STAU2: variants seen among roughly 807,000 people sequenced by gnomAD.
STAU2 encodes the protein double-stranded RNA-binding protein Staufen homolog 2.
In STAU2, 20 loss-of-function variants were observed where a neutral mutation model predicts 65.9. The ratio of observed to expected loss-of-function variants is 0.30; its 90% CI spans 0.21 to 0.44. STAU2 has a LOEUF of 0.44. Among genes scored for constraint, STAU2 ranks in the 20% least tolerant of loss-of-function variants. The pLI, the probability that STAU2 is intolerant of heterozygous loss-of-function variation, is 1.00. For synonymous variants in STAU2, 232 were observed against 233.9 expected (o/e 0.99, Z 0.07); for missense variants, 558 against 683.9 (o/e 0.82, Z 2.05).
At chr8:73,473,674 T>C (rs939242198) in intron 13 of STAU2, among the ~76,000 whole-genome samples, 3 of 152,172 alleles carry the variant, frequency 2.0e-5, no homozygotes, top group Non-Finnish European at 4.4e-5. Context: ...AGGCTTGGAT[T>C]TGCCAGTGAT....
intron 13 of STAU2, among the ~76,000 whole-genome samples, chr8:73,473,352 C>T (rs1306251618): frequency 2.0e-5 from 3 of 151,982 alleles, no homozygotes; most frequent in Non-Finnish European, 2.9e-5. Flanking sequence ...ATATTTCTGT[C>T]AAAAAAATGT....
At chr8:73,661,394 ATAT>A (rs1363944000) in intron 6 of STAU2, among the ~76,000 whole-genome samples, 3 of 150,960 alleles carry the variant, frequency 2.0e-5, no homozygotes, top group Non-Finnish European at 4.4e-5. Context: ...TTTCTTATAA[ATAT>A]TTTTAGCCTC....
At chr8:73,647,230 A>G (rs979651462) in intron 6 of STAU2, among the ~76,000 whole-genome samples, 2 of 152,188 alleles carry the variant, frequency 1.3e-5, no homozygotes, top group Non-Finnish European at 2.9e-5. Context: ...ACTCCTGTGT[A>G]TTTATCCCAA....
intron 13 of STAU2, chr8:73,438,852 C>T (rs187143704): frequency 3.0e-5 from 13 of 426,888 alleles, no homozygotes; most frequent in African/African-American, 2.4e-4. Flanking sequence ...GAAGGGCTAT[C>T]AGAGAGGTGG....
At chr8:73,703,648 C>T (rs886427614) in intron 4 of STAU2, among the ~76,000 whole-genome samples, 4 of 152,150 alleles carry the variant, frequency 2.6e-5, no homozygotes, top group Admixed American at 6.5e-5. Flanking sequence ...GAAATACTGA[C>T]ACACACAAAA....
At chr8:73,582,415 C>T (rs1810053926) in intron 12 of STAU2, among the ~76,000 whole-genome samples, 1 of 149,940 alleles carries the variant, frequency 6.7e-6, no homozygotes, top group Admixed American at 6.6e-5. Flanking sequence ...TAGATAATTA[C>T]TTCTTTATTT....
chr8:73,721,182 C>T (rs538311230), intron 3 of STAU2, among the ~76,000 whole-genome samples: 2 of 143,104 alleles, frequency 1.4e-5, no homozygotes, highest in African/African-American at 5.2e-5. Flanking sequence ...CCTAGATACT[C>T]GGGGAGCAGA....
At position 73,688,708 on chromosome 8, in the gene STAU2, T is replaced by C. The variant is rs1156743365; in HGVS notation, c.220A>G (p.Thr74Ala). The C allele has an allele frequency of 1.5e-5, 24 of 1,614,058 alleles. No homozygotes were observed. The highest frequency in any genetic ancestry group is 1.8e-5 in the Non-Finnish European group (21 of 1,180,036). ...GGCTTCTGAACTGGTTTGGGAAGCG[T>C]AGATTCAGTCAAAGCTTTATTGGCA... The part of the protein sequence containing the change: ...AVANKALTES[T>A]LPKPVQKPPK... Residue 74 changes from threonine to alanine, a missense_variant, in exon 5 of 15, where the codon ACG becomes GCG. Coordinates refer to ENST00000524300, the MANE Select transcript of STAU2 (RefSeq NM_001164380.2).
Position 73,603,769 on chromosome 8 carries a change from A to T in STAU2, c.986T>A (p.Leu329His), listed in dbSNP as rs376665220. The T allele has an allele frequency of 1.4e-5, 22 of 1,611,936 alleles. No homozygotes were observed. Among genetic ancestry groups the T allele is most frequent in the Non-Finnish European group, 1.9e-5 (22 of 1,179,868 alleles). Reference sequence around the variant, plus strand: ...ACGTCGAGGCATTCCTCTTTCTGAAAGCAAAACATAATCCGGCTCCTTTTC... The same window carrying T: ...ACGTCGAGGCATTCCTCTTTCTGAATGCAAAACATAATCCGGCTCCTTTTC... ...KKEKEPDYVL[L>H]SERGMPRRRE... Residue 329 changes from leucine to histidine, a missense_variant, in exon 10 of 15, where the codon CTT (leucine) becomes CAT (histidine). This residue lies in a region of STAU2 where 199 missense variants were observed against 299.5 expected (regional missense o/e 0.66). Transcript: ENST00000524300.
chr8:73,437,338 G>A (rs1817777876), intron 13 of STAU2, among the ~76,000 whole-genome samples: 1 of 152,216 alleles, frequency 6.6e-6, no homozygotes, highest in Non-Finnish European at 1.5e-5. Context: ...TTTCCCAGCT[G>A]AGGACAGAGA....
chr8:73,704,410 TA>T (rs761303738), intron 4 of STAU2, among the ~76,000 whole-genome samples: 3 of 152,020 alleles, frequency 2.0e-5, no homozygotes, highest in South Asian at 4.2e-4. Context: ...TAAGTCTAAT[TA>T]AAAAAAAGAT....
chr8:73,421,348 G>C lies in STAU2; in HGVS notation c.*24C>G. On this transcript the variant is annotated 3_prime_UTR_variant, in exon 15 of 15. Transcript: ENST00000524300. ...GCTGACAGGTTTATAAGGATGCGGTGGCAGCCGCGGGTTCTGGGAGCTGCT... is the reference window on the plus strand; with the variant it reads ...GCTGACAGGTTTATAAGGATGCGGTCGCAGCCGCGGGTTCTGGGAGCTGCT... 1 of 1,535,276 alleles carries C rather than the reference G, an allele frequency of 6.5e-7. No homozygotes were observed.
chr8:73,424,390 G>A (rs1228695560), intron 13 of STAU2, among the ~76,000 whole-genome samples: 10 of 151,660 alleles, frequency 6.6e-5, no homozygotes, highest in African/African-American at 1.7e-4. Flanking sequence ...TAGTAGAGAC[G>A]GGGTTTCACC....
rs914684143 is a variant in STAU2, at chr8:73,495,084, G to A, written c.1530+56928C>T. ...CAATGGATTCTGCTGATAAAGATGG[G>A]AGTTTTTAATTCTTATTTGTTGGGT... On this transcript the variant is annotated intron_variant, in intron 13 of 14. Coordinates refer to ENST00000524300, the MANE Select transcript of STAU2 (RefSeq NM_001164380.2). 5.3e-5 allele frequency among the ~76,000 whole-genome samples: 8 copies of A among 151,420 alleles called. 1 individual carries two copies. The highest frequency in any genetic ancestry group is 1.9e-4 in the African/African-American group (8 of 41,324).
chr8:73,649,441 A>T lies in STAU2; in HGVS notation c.410+23666T>A, dbSNP rs1815654020. On this transcript the variant is annotated intron_variant, in intron 6 of 14. Coordinates refer to ENST00000524300, the MANE Select transcript of STAU2 (RefSeq NM_001164380.2). ...ACCCTGATCTTTGCAATTTTCTAGA[A>T]ATTATCTCTAAACTCACCTATTCCT... 2.0e-5 allele frequency among the ~76,000 whole-genome samples: 3 copies of T among 152,112 alleles called. No individual in the cohort carries two copies. The South Asian group carries it at 6.2e-4, about 32-fold the overall frequency.
chr8:73,504,892 CATCTAT>C lies in STAU2; in HGVS notation c.1530+47114_1530+47119del, dbSNP rs1334403231. Among the ~76,000 whole-genome samples the C allele has an allele frequency of 3.3e-5, 5 of 152,114 alleles. 1 individual carries two copies. The highest frequency in any genetic ancestry group is 1.2e-4 in the African/African-American group (5 of 41,500). On this transcript the variant is annotated intron_variant, in intron 13 of 14. Transcript: ENST00000524300. ...GGTAAAAATAAAACTTTTTTGTATACATCTATAATTTGTAACTATTCAGAAGAAAAA... is the reference window on the plus strand; with the variant it reads ...GGTAAAAATAAAACTTTTTTGTATACAATTTGTAACTATTCAGAAGAAAAA...
At chr8:73,629,495 C>T (rs1031879080) in intron 6 of STAU2, among the ~76,000 whole-genome samples, 9 of 152,040 alleles carry the variant, frequency 5.9e-5, no homozygotes, top group Admixed American at 2.6e-4. Flanking sequence ...TAGAAGGACA[C>T]GTATGTTTTA....
chr8:73,676,504 C>T lies in STAU2; in HGVS notation c.275-3262G>A, dbSNP rs1168120687. ...TATCTTCACAAACTTGTAAGAGACA[C>T]AGGTGTATTAAATGGCACACCAAAA... is the stretch of plus-strand genomic sequence containing the variant. On this transcript the variant is annotated intron_variant, in intron 5 of 14. Transcript: ENST00000524300. Among the ~76,000 whole-genome samples, 5 of 152,158 alleles carry T rather than the reference C, an allele frequency of 3.3e-5. No individual in the cohort carries two copies. The East Asian group carries it at 9.6e-4, about 29-fold the overall frequency.
At chr8:73,695,783 C>A (rs1304948898) in intron 4 of STAU2, among the ~76,000 whole-genome samples, 1 of 152,058 alleles carries the variant, frequency 6.6e-6, no homozygotes, top group Non-Finnish European at 1.5e-5. Flanking sequence ...GGTTCCTCTG[C>A]CTGTGGAAAG....
Sources: allele counts gnomAD v4.1 joint callset (sites outside exome capture counted in the v4.1 genomes callset), GRCh38; gene constraint gnomAD v4.1.1; regional missense constraint gnomAD v4.1.1; transcripts MANE v1.5; gene names NCBI Gene and HGNC (gene_info 2026-07-23, HGNC 2026-07-21).